PDE4D: variants seen among roughly 807,000 people sequenced by gnomAD.
The protein encoded by PDE4D is 3',5'-cyclic-AMP phosphodiesterase 4D.
In PDE4D, 24 loss-of-function variants were observed where a neutral mutation model predicts 87.4. That is an observed-to-expected ratio of 0.27 (90% CI 0.20 to 0.39). PDE4D has a LOEUF of 0.39. Ranked by LOEUF, PDE4D falls within the 10% of genes least tolerant of loss-of-function variation. The pLI, the probability that PDE4D is intolerant of heterozygous loss-of-function variation, is 1.00. For missense variants in PDE4D, 714 were observed against 1,041.0 expected, an observed-to-expected ratio of 0.69 and a Z score of 4.32; for synonymous variants, 384 against 383.2, an observed-to-expected ratio of 1.00 and a Z score of -0.02.
At chr5:59,378,753 AT>A (rs1785186112) in intron 1 of PDE4D, among the ~76,000 whole-genome samples, 1 of 152,160 alleles carries the variant, frequency 6.6e-6, no homozygotes, top group East Asian at 1.9e-4. Context: ...TTGCTGTCAC[AT>A]TTTTGCCCAT....
At chr5:60,103,154 G>A (rs1014907888) in intron 2 of PDE4D, among the ~76,000 whole-genome samples, 2 of 152,146 alleles carry the variant, frequency 1.3e-5, no homozygotes, top group Non-Finnish European at 2.9e-5. Context: ...ACAATTCCCA[G>A]AAGAATAAAT....
At chr5:59,916,342 C>T (rs531648459) in intron 3 of PDE4D, among the ~76,000 whole-genome samples, 1 of 152,308 alleles carries the variant, frequency 6.6e-6, no homozygotes, top group South Asian at 2.1e-4. Flanking sequence ...GAATGAGCTA[C>T]TCTGCCCTTG....
chr5:60,087,530 A>G (rs1003418988), intron 2 of PDE4D, among the ~76,000 whole-genome samples: 1 of 152,214 alleles, frequency 6.6e-6, no homozygotes, highest in Non-Finnish European at 1.5e-5. Context: ...GGAACAAAAT[A>G]AGAAATTTCA....
At chr5:59,552,226 G>A (rs372976000) in intron 1 of PDE4D, among the ~76,000 whole-genome samples, 1 of 151,838 alleles carries the variant, frequency 6.6e-6, no homozygotes, top group Non-Finnish European at 1.5e-5. Context: ...AAATAAAGAG[G>A]TATTTTATTT....
chr5:59,859,339 G>A (rs981567185), intron 1 of PDE4D, among the ~76,000 whole-genome samples: 3 of 152,052 alleles, frequency 2.0e-5, no homozygotes, highest in African/African-American at 7.2e-5. Flanking sequence ...GGCAGTGTAG[G>A]TGTATAGAGG....
chr5:59,737,776 A>G (rs1758280899), intron 1 of PDE4D, among the ~76,000 whole-genome samples: 1 of 152,070 alleles, frequency 6.6e-6, no homozygotes, highest in East Asian at 1.9e-4. Context: ...TACCATTTTC[A>G]TGAGTATAAA....
intron 1 of PDE4D, among the ~76,000 whole-genome samples, chr5:60,497,533 G>A (rs1749872497): frequency 6.6e-6 from 1 of 151,940 alleles, no homozygotes; most frequent in Non-Finnish European, 1.5e-5. Context: ...CTCCCAAGCA[G>A]CTGGGATCAT....
chr5:59,953,350 GTCTAGAATTTTTTTT>G (rs1289097204), intron 3 of PDE4D, among the ~76,000 whole-genome samples: 2 of 151,690 alleles, frequency 1.3e-5, no homozygotes, highest in East Asian at 1.9e-4. Flanking sequence ...TATTTACATT[GTCTAGAATTTTTTTT>G]TTGTCTAGAA....
intron 2 of PDE4D, among the ~76,000 whole-genome samples, chr5:59,208,002 A>T (rs1012167243): frequency 4.7e-4 from 53 of 113,172 alleles, no homozygotes; most frequent in Non-Finnish European, 8.0e-4. Context: ...TACTAAAAGT[A>T]AAAAAAAAAA....
At chr5:60,499,986 C>CT (rs1365905095) in intron 1 of PDE4D, among the ~76,000 whole-genome samples, 1 of 151,996 alleles carries the variant, frequency 6.6e-6, no homozygotes, top group Non-Finnish European at 1.5e-5. Context: ...TGCTTCTTTT[C>CT]TTTTTTTCTC....
chr5:60,400,298 G>A (rs1402394912), intron 1 of PDE4D, among the ~76,000 whole-genome samples: 3 of 152,012 alleles, frequency 2.0e-5, no homozygotes, highest in East Asian at 3.9e-4. Flanking sequence ...TGAGGCGGAC[G>A]GATCATGAGG....
chr5:59,224,637 A>G (rs1753339881), intron 1 of PDE4D, among the ~76,000 whole-genome samples: 1 of 152,170 alleles, frequency 6.6e-6, no homozygotes, highest in Non-Finnish European at 1.5e-5. Flanking sequence ...TTGAAGCCTT[A>G]ATCACCAATG....
chr5:59,199,538 A>G (rs1439491063), intron 2 of PDE4D, among the ~76,000 whole-genome samples: 2 of 152,210 alleles, frequency 1.3e-5, no homozygotes, highest in Non-Finnish European at 2.9e-5. Flanking sequence ...TATATTTTAA[A>G]GTCCAAGATT....
At chr5:59,079,465 T>A (rs1020228123) in intron 5 of PDE4D, among the ~76,000 whole-genome samples, 3 of 152,090 alleles carry the variant, frequency 2.0e-5, no homozygotes, top group African/African-American at 7.2e-5. Context: ...TAACTGAGTC[T>A]TTTCTAATTG....
chr5:59,107,332 C>T (rs1330510077), intron 5 of PDE4D, among the ~76,000 whole-genome samples: 1 of 152,136 alleles, frequency 6.6e-6, no homozygotes, highest in African/African-American at 2.4e-5. Context: ...CCTCAGCCTG[C>T]CAAGTAACTA....
chr5:59,537,145 A>G (rs1815429952), intron 1 of PDE4D, among the ~76,000 whole-genome samples: 1 of 152,228 alleles, frequency 6.6e-6, no homozygotes. Context: ...ACTGTAGAGT[A>G]AAAGAATTCA....
intron 3 of PDE4D, among the ~76,000 whole-genome samples, chr5:59,967,882 G>A (rs1322983853): frequency 6.6e-6 from 1 of 151,098 alleles, no homozygotes; most frequent in Non-Finnish European, 1.5e-5. Context: ...TAAAGAAAAT[G>A]TGGTACATAT....
At chr5:60,347,601 T>C (rs1758838780) in intron 1 of PDE4D, among the ~76,000 whole-genome samples, 1 of 152,040 alleles carries the variant, frequency 6.6e-6, no homozygotes. Context: ...CTGGATAAAA[T>C]ATTCTAAAAT....
In PDE4D at chr5:59,181,746, C is replaced by G. The variant is rs148335017; in HGVS notation, c.759-1102G>C. On this transcript the variant is annotated intron_variant, in intron 4 of 14. Transcript: ENST00000340635. The stretch of plus-strand genomic sequence containing the variant: ...GTTCTCATTTTACCAATGAGAAAAA[C>G]AAAACTTTGAGAATTTGAAGAACTT... 2.4e-3 allele frequency among the ~76,000 whole-genome samples: 368 copies of G among 151,860 alleles called. 2 individuals carry two copies. The highest frequency in any genetic ancestry group is 8.4e-3 in the African/African-American group (348 of 41,378).
Sources: allele counts gnomAD v4.1 joint callset (sites outside exome capture counted in the v4.1 genomes callset), GRCh38; gene constraint gnomAD v4.1.1; transcripts MANE v1.5; gene names NCBI Gene and HGNC (gene_info 2026-07-23, HGNC 2026-07-21).